The following LSM14B variants were observed in gnomAD, a reference collection of about 807,000 sequenced individuals.
The protein encoded by LSM14B is LSM family member 14B, also known as protein LSM14 homolog B.
In LSM14B, 8 loss-of-function variants were observed where a neutral mutation model predicts 42.1. The ratio of observed to expected loss-of-function variants is 0.19; its 90% CI spans 0.11 to 0.34. LSM14B has a LOEUF of 0.34. Among genes scored for constraint, LSM14B ranks in the 10% least tolerant of loss-of-function variants. The pLI, the probability that LSM14B is intolerant of heterozygous loss-of-function variation, is 1.00. For missense variants in LSM14B, 396 were observed against 513.1 expected (o/e 0.77, Z 2.21); for synonymous variants, 219 against 209.7 (o/e 1.04, Z -0.38).
In LSM14B at chr20:62,134,174, A is replaced by C; in HGVS notation, c.*26A>C. The C allele has an allele frequency of 2.1e-6, 1 of 465,312 alleles. No homozygotes were observed. Among genetic ancestry groups the C allele is most frequent in the Non-Finnish European group, 4.5e-6 (1 of 223,992 alleles). 28.8% of individuals were successfully genotyped at this position (465,312 alleles called of 1,614,324 possible). On this transcript the variant is annotated 3_prime_UTR_variant, in exon 9 of 9. Coordinates refer to ENST00000279068, the MANE Select transcript of LSM14B (RefSeq NM_144703.3). The stretch of plus-strand genomic sequence containing the variant: ...GTCATCTCTTGCAGGCTCCTACTGA[A>C]GTGGCGCATAACTGACGCTGTGTGT...
chr20:62,125,750 A>T (rs2056577167), intron 2 of LSM14B, among the ~76,000 whole-genome samples: 3 of 152,224 alleles, frequency 2.0e-5, no homozygotes, highest in South Asian at 4.1e-4. Flanking sequence ...AAGCCATCCG[A>T]TGGCTTTGAG....
chr20:62,127,892 G>T, intron 3 of LSM14B: 1 of 704,244 alleles, frequency 1.4e-6, no homozygotes, highest in East Asian at 2.7e-5. Flanking sequence ...GGATTACGAA[G>T]AATCAGCGGA....
rs778179202 is a variant in LSM14B, at chr20:62,124,780, G to A, written c.291G>A (p.Gln97=). The stretch of plus-strand genomic sequence containing the variant: ...TCCCGCAGGATCCCGCCATTGTTCA[G>A]GTAAGTGTGCCACTGTCCCTCTGTG... ...HTLPQDPAIV[Q]SSLGSASASP... Residue 97 remains glutamine (Q), a splice_region_variant and synonymous_variant, in exon 2 of 9, where the codon CAG becomes CAA. Coordinates refer to ENST00000279068, the MANE Select transcript of LSM14B (RefSeq NM_144703.3). The A allele has an allele frequency of 2.5e-5, 40 of 1,611,580 alleles. No homozygotes were observed. Among genetic ancestry groups the A allele is most frequent in the Non-Finnish European group, 2.7e-5 (32 of 1,178,618 alleles).
rs377677212 is a variant in LSM14B at position 62,130,735 on chromosome 20, C to T, written c.835+44C>T. On this transcript the variant is annotated intron_variant, in intron 6 of 8. Transcript: ENST00000279068. The surrounding 1 kb of genome is among the most constrained non-coding windows in gnomAD (Gnocchi z 4.1). Reference sequence around the variant, plus strand: ...AAATTATTCTCTGCACAGGAGTACCCCTAGAGAGTGTTAGGAGGAGATGCC... The same window carrying T: ...AAATTATTCTCTGCACAGGAGTACCTCTAGAGAGTGTTAGGAGGAGATGCC... 2 of 1,588,026 alleles carry T rather than the reference C, an allele frequency of 1.3e-6. No individual in the cohort carries two copies. Among genetic ancestry groups the T allele is most frequent in the Admixed American group, 3.4e-5 (2 of 58,008 alleles).
intron 2 of LSM14B, among the ~76,000 whole-genome samples, chr20:62,125,415 T>C (rs1427791502): frequency 6.6e-6 from 1 of 152,216 alleles, no homozygotes; most frequent in Non-Finnish European, 1.5e-5. Flanking sequence ...CCTTAGTTTC[T>C]GGTTGGAGAA....
chr20:62,124,290 A>C (rs1416279968), intron 1 of LSM14B, among the ~76,000 whole-genome samples: 1 of 152,274 alleles, frequency 6.6e-6, no homozygotes, highest in South Asian at 2.1e-4. Flanking sequence ...AAACGTGAAC[A>C]GGGAGGCCTT....
intron 3 of LSM14B, among the ~76,000 whole-genome samples, chr20:62,128,529 C>G (rs1006655146): frequency 1.3e-5 from 2 of 152,130 alleles, no homozygotes; most frequent in Admixed American, 6.5e-5. Flanking sequence ...ACAGATACTT[C>G]TATTGCTCTT....
In LSM14B at chr20:62,130,174, G is replaced by A. The variant is rs202042226; in HGVS notation, c.596-45G>A. 3.1e-5 allele frequency: 49 copies of A among 1,555,600 alleles called. No homozygotes were observed. The highest frequency in any genetic ancestry group is 1.9e-4 in the African/African-American group (14 of 73,410). On this transcript the variant is annotated intron_variant, in intron 4 of 8. Coordinates refer to ENST00000279068, the MANE Select transcript of LSM14B (RefSeq NM_144703.3). The surrounding 1 kb of genome is among the most constrained non-coding windows in gnomAD (Gnocchi z 4.1). ...CTTCCACAGCTGGGTTCTGGCTTCCGGCTGCTATAGGAGCTTTGCCTTACT... is the reference window on the plus strand; with the variant it reads ...CTTCCACAGCTGGGTTCTGGCTTCCAGCTGCTATAGGAGCTTTGCCTTACT...
At chr20:62,132,150 A>T (rs2056786124) in intron 7 of LSM14B, among the ~76,000 whole-genome samples, 1 of 152,156 alleles carries the variant, frequency 6.6e-6, no homozygotes, top group Admixed American at 6.5e-5. Flanking sequence ...CTGCCAGGGG[A>T]AAAATAGAAC....
rs1369640676 is a variant in LSM14B, at chr20:62,130,429, CT to C, written c.674-99del. 6 of 1,541,816 alleles carry C rather than the reference CT, an allele frequency of 3.9e-6. No homozygotes were observed. Among genetic ancestry groups the C allele is most frequent in the Non-Finnish European group, 5.3e-6 (6 of 1,137,302 alleles). On this transcript the variant is annotated intron_variant, in intron 5 of 8. Coordinates refer to ENST00000279068, the MANE Select transcript of LSM14B (RefSeq NM_144703.3). This position sits in a 1 kb window ranked among gnomAD's most constrained non-coding sequence, Gnocchi z 4.1. Reference sequence around the variant, plus strand: ...AAGTCGCTGCTTGTGTGCTCTGTTCCTTCTGTGGCCTTGGGGGTGTGCCTGG... The same window carrying C: ...AAGTCGCTGCTTGTGTGCTCTGTTCCTCTGTGGCCTTGGGGGTGTGCCTGG...
At chr20:62,124,311 C>T (rs1415930760) in intron 1 of LSM14B, among the ~76,000 whole-genome samples, 1 of 152,238 alleles carries the variant, frequency 6.6e-6, no homozygotes, top group African/African-American at 2.4e-5. Flanking sequence ...ACGAAGCAAG[C>T]CTTGTTTTGC....
chr20:62,124,254 C>T (rs1346506735), intron 1 of LSM14B, among the ~76,000 whole-genome samples: 1 of 152,250 alleles, frequency 6.6e-6, no homozygotes, highest in Non-Finnish European at 1.5e-5. Flanking sequence ...ATAAAGCAGC[C>T]GGCTGGCTGT....
chr20:62,133,733 G>A (rs563188596), intron 8 of LSM14B, among the ~76,000 whole-genome samples: 13 of 152,330 alleles, frequency 8.5e-5, no homozygotes, highest in Non-Finnish European at 1.5e-4. Context: ...GAGGTGGTGC[G>A]GGAGTCGCGT....
Position 62,122,866 on chromosome 20 carries a change from C to T in LSM14B, c.127+73C>T. Reference sequence around the variant, plus strand: ...GCCCCGGCCTGCGGTGCCCTCCCCGCCCCGGGGCGCCCCGGAGCCTGGCGC... The same window carrying T: ...GCCCCGGCCTGCGGTGCCCTCCCCGTCCCGGGGCGCCCCGGAGCCTGGCGC... On this transcript the variant is annotated intron_variant, in intron 1 of 8. Coordinates refer to ENST00000279068, the MANE Select transcript of LSM14B (RefSeq NM_144703.3). This position sits in a 1 kb window ranked among gnomAD's most constrained non-coding sequence, Gnocchi z 4.6. The T allele has an allele frequency of 1.6e-6, 2 of 1,231,984 alleles. No individual in the cohort carries two copies. Among genetic ancestry groups the T allele is most frequent in the East Asian group, 3.8e-5 (1 of 25,994 alleles). 76.3% of individuals were successfully genotyped at this position (1,231,984 alleles called of 1,614,324 possible).
At chr20:62,129,431 T>C (rs1451267526) in intron 3 of LSM14B, among the ~76,000 whole-genome samples, 3 of 152,210 alleles carry the variant, frequency 2.0e-5, no homozygotes, top group Non-Finnish European at 4.4e-5. Context: ...GATTGGAGCT[T>C]GTGTGGTTTT....
intron 1 of LSM14B, chr20:62,123,495 G>A (rs2056477862): frequency 6.6e-6 from 1 of 152,386 alleles, no homozygotes; most frequent in East Asian, 1.9e-4. Context: ...GTAACCGGCT[G>A]TGGCCGCTGG....
chr20:62,126,176 C>T (rs760407249), intron 2 of LSM14B, 128 bp from the exon 3 acceptor site: 10 of 1,407,136 alleles, frequency 7.1e-6, no homozygotes, highest in African/African-American at 2.8e-5. Context: ...CCCAAGGGCT[C>T]CTCCAGCATC....
rs2056845163 is a variant in LSM14B, at chr20:62,134,147, C to T, written c.*15-16C>T. The T allele has an allele frequency of 2.2e-6, 1 of 445,300 alleles. No individual in the cohort carries two copies. Among genetic ancestry groups the T allele is most frequent in the Non-Finnish European group, 4.7e-6 (1 of 214,094 alleles). 27.6% of individuals were successfully genotyped at this position (445,300 alleles called of 1,614,324 possible). On this transcript the variant is annotated splice_polypyrimidine_tract_variant and intron_variant, in intron 8 of 8. Transcript: ENST00000279068. ...CTTATCCCAGCAGATGCTTGACTTC[C>T]TGTCATCTCTTGCAGGCTCCTACTG...
At chr20:62,128,501 C>T (rs575089018) in intron 3 of LSM14B, among the ~76,000 whole-genome samples, 45 of 151,396 alleles carry the variant, frequency 3.0e-4, no homozygotes, top group African/African-American at 1.0e-3. Context: ...CTTTTTTTTT[C>T]CCCCACTTAA....
Sources: allele counts gnomAD v4.1 joint callset (sites outside exome capture counted in the v4.1 genomes callset), GRCh38; gene constraint gnomAD v4.1.1; non-coding constraint Gnocchi (gnomAD v3.1); transcripts MANE v1.5; gene names NCBI Gene and HGNC (gene_info 2026-07-23, HGNC 2026-07-21).